Variants in PEX5L observed in about 807,000 individuals in gnomAD.
The protein encoded by PEX5L is PEX5-related protein.
PEX5L carries 30 observed loss-of-function variants against 84.0 expected under a neutral mutation model. That is an observed-to-expected ratio of 0.36 (90% CI 0.27 to 0.48). PEX5L has a LOEUF of 0.48. Among genes scored for constraint, PEX5L ranks in the 20% least tolerant of loss-of-function variants. The pLI is 0.99. For missense variants in PEX5L, 533 were observed against 754.6 expected (o/e 0.71, Z 3.44); for synonymous variants, 270 against 283.1 (o/e 0.95, Z 0.46).
At chr3:179,915,308 A>C (rs960902290) in intron 2 of PEX5L, among the ~76,000 whole-genome samples, 4 of 152,316 alleles carry the variant, frequency 2.6e-5, no homozygotes, top group South Asian at 2.1e-4. Flanking sequence ...GAGGTTTTGA[A>C]TTTTACCGTG....
intron 2 of PEX5L, among the ~76,000 whole-genome samples, chr3:179,967,565 G>T (rs573476162): frequency 1.3e-5 from 2 of 152,258 alleles, no homozygotes; most frequent in South Asian, 4.1e-4. Flanking sequence ...TTTCCATGTG[G>T]ATTTAGCCAG....
intron 1 of PEX5L, 151 bp downstream of exon 1, chr3:180,036,428 G>A (rs1157219999): frequency 3.8e-6 from 3 of 795,844 alleles, no homozygotes; most frequent in East Asian, 2.5e-5. Context: ...TAGTTTTCCC[G>A]GCAGCACCGG....
chr3:179,935,766 C>T (rs768050005), intron 2 of PEX5L, among the ~76,000 whole-genome samples: 86 of 151,960 alleles, frequency 5.7e-4, no homozygotes, highest in Non-Finnish European at 1.2e-3. Flanking sequence ...TGATGGGAGG[C>T]ATCTGGACCA....
At chr3:180,020,193 A>T (rs892197635) in intron 1 of PEX5L, among the ~76,000 whole-genome samples, 2 of 152,222 alleles carry the variant, frequency 1.3e-5, no homozygotes, top group Non-Finnish European at 2.9e-5. Flanking sequence ...TAAATAACAG[A>T]TGATTATCAT....
intron 5 of PEX5L, among the ~76,000 whole-genome samples, chr3:179,877,063 C>T (rs538141692): frequency 6.6e-6 from 1 of 152,244 alleles, no homozygotes; most frequent in East Asian, 1.9e-4. Flanking sequence ...CTGACTGTGA[C>T]TTATCACATG....
Position 179,921,359 on chromosome 3 carries a change from A to G in PEX5L, c.94-23113T>C, listed in dbSNP as rs1769323957. 2.0e-5 allele frequency among the ~76,000 whole-genome samples: 3 copies of G among 152,296 alleles called. No individual in the cohort carries two copies. The South Asian group carries it at 6.2e-4, about 32-fold the overall frequency. ...ACAAACATCATCATGTAAATCAAAC[A>G]GGTGCTTAAGGAACTCGCAGAATGA... On this transcript the variant is annotated intron_variant, in intron 2 of 14. Coordinates refer to ENST00000467460, the MANE Select transcript of PEX5L (RefSeq NM_016559.3).
chr3:179,959,314 G>A (rs894211093), intron 2 of PEX5L, among the ~76,000 whole-genome samples: 1 of 152,146 alleles, frequency 6.6e-6, no homozygotes, highest in Non-Finnish European at 1.5e-5. Flanking sequence ...AGGAAATAAC[G>A]CACATCTTAG....
At chr3:179,931,723 C>T (rs17748864) in intron 2 of PEX5L, among the ~76,000 whole-genome samples, 48,633 of 151,976 alleles carry the variant, frequency 0.32, 7,957 homozygotes, top group Non-Finnish European at 0.34. Context: ...TACAGCACAG[C>T]CCAATTAACT....
rs143882328 is a variant in PEX5L, at chr3:179,869,991, G to A, written c.726+4336C>T. Among the ~76,000 whole-genome samples the A allele has an allele frequency of 2.0e-5, 3 of 152,314 alleles. No individual in the cohort carries two copies. In the East Asian group the frequency reaches 5.8e-4, roughly 29 times the overall value. On this transcript the variant is annotated intron_variant, in intron 7 of 14. Transcript: ENST00000467460. ...AAGCGTAAACAGACTGTAACCTACTGTTGTGCCAATCATGGAGTTTTGGCT... is the reference window on the plus strand; with the variant it reads ...AAGCGTAAACAGACTGTAACCTACTATTGTGCCAATCATGGAGTTTTGGCT...
intron 5 of PEX5L, among the ~76,000 whole-genome samples, chr3:179,878,757 C>T (rs983961062): frequency 1.3e-5 from 2 of 152,170 alleles, no homozygotes; most frequent in Non-Finnish European, 2.9e-5. Flanking sequence ...GGAGCAATGG[C>T]ATGATGTGGA....
At chr3:179,805,712 C>A (rs537410221) in intron 14 of PEX5L, among the ~76,000 whole-genome samples, 50 of 152,138 alleles carry the variant, frequency 3.3e-4, no homozygotes, top group African/African-American at 1.1e-3. Flanking sequence ...TTTAAGTGGG[C>A]ATTCTGTGTT....
chr3:179,813,428 T>C (rs148673465), intron 10 of PEX5L, among the ~76,000 whole-genome samples: 225 of 152,344 alleles, frequency 1.5e-3, no homozygotes, highest in African/African-American at 5.0e-3. Context: ...GATGACATTA[T>C]TATTTTTAGG....
chr3:179,889,974 C>T (rs545161900), intron 3 of PEX5L, among the ~76,000 whole-genome samples: 51 of 152,254 alleles, frequency 3.3e-4, no homozygotes, highest in African/African-American at 1.1e-3. Context: ...AGCTAAACAT[C>T]AGTGATCCGG....
Position 179,993,892 on chromosome 3 carries a change from C to G in PEX5L, c.22-22227G>C, listed in dbSNP as rs763945211. Among the ~76,000 whole-genome samples, 7 of 152,194 alleles carry G rather than the reference C, an allele frequency of 4.6e-5. No homozygotes were observed. In the South Asian group the frequency reaches 6.2e-4, roughly 14 times the overall value. On this transcript the variant is annotated intron_variant, in intron 1 of 14. Coordinates refer to ENST00000467460, the MANE Select transcript of PEX5L (RefSeq NM_016559.3). Reference sequence around the variant, plus strand: ...AATACAGAAACACAGGAAAATAAGTCTGTACATGTTCAATGCACACACTTT... The same window carrying G: ...AATACAGAAACACAGGAAAATAAGTGTGTACATGTTCAATGCACACACTTT...
intron 7 of PEX5L, among the ~76,000 whole-genome samples, chr3:179,873,157 C>T (rs548492883): frequency 5.7e-4 from 87 of 152,086 alleles, no homozygotes; most frequent in Non-Finnish European, 1.1e-3. Context: ...GTTGTGGGTC[C>T]GCGGACAAGT....
intron 2 of PEX5L, among the ~76,000 whole-genome samples, chr3:179,906,404 A>G (rs1578281060): frequency 6.6e-6 from 1 of 152,216 alleles, no homozygotes; most frequent in African/African-American, 2.4e-5. Flanking sequence ...CCTAAGGATG[A>G]GCATCTCTAT....
intron 5 of PEX5L, among the ~76,000 whole-genome samples, chr3:179,879,158 A>T (rs143515285): frequency 6.6e-6 from 1 of 152,262 alleles, no homozygotes; most frequent in Non-Finnish European, 1.5e-5. Context: ...ACAGCCAGGG[A>T]AGATTCATGT....
At chr3:179,816,093 C>A in intron 9 of PEX5L, 89 bp from the exon 10 acceptor site, 2 of 1,287,696 alleles carry the variant, frequency 1.6e-6, no homozygotes, top group South Asian at 2.6e-5. Flanking sequence ...AGTCAGGAAA[C>A]AACAGATGCT....
intron 9 of PEX5L, among the ~76,000 whole-genome samples, chr3:179,818,957 C>A (rs1727343840): frequency 6.6e-6 from 1 of 151,566 alleles, no homozygotes; most frequent in African/African-American, 2.4e-5. Context: ...ATCCTCCCAC[C>A]TCAGCCTCCT....
Sources: allele counts gnomAD v4.1 joint callset (sites outside exome capture counted in the v4.1 genomes callset), GRCh38; gene constraint gnomAD v4.1.1; transcripts MANE v1.5; gene names NCBI Gene and HGNC (gene_info 2026-07-23, HGNC 2026-07-21).